The following INPP5A variants were observed in gnomAD, a reference collection of about 807,000 sequenced individuals.
The protein encoded by INPP5A is 43 kDa inositol polyphosphate 5-phophatase.
Under a neutral mutation model 65.2 loss-of-function variants are expected in INPP5A, and 14 were observed. The ratio of observed to expected loss-of-function variants is 0.21; its 90% confidence interval spans 0.14 to 0.34. The LOEUF (loss-of-function observed/expected upper bound fraction) is 0.34. Ranked by LOEUF, INPP5A falls within the 10% of genes least tolerant of loss-of-function variation. The probability of loss-of-function intolerance (pLI) is 1.00; values close to 1 mark genes in which losing one functional copy is unlikely to be tolerated. For synonymous variants in INPP5A, 207 were observed against 208.3 expected (o/e 0.99, Z 0.05); for missense variants, 431 against 545.6 (o/e 0.79, Z 2.09).
At chr10:132,640,824 G>A (rs150143567) in intron 2 of INPP5A, among the ~76,000 whole-genome samples, 7 of 152,282 alleles carry the variant, frequency 4.6e-5, no homozygotes, top group African/African-American at 1.4e-4. Flanking sequence ...CTTATCTGTG[G>A]AAGGCATCCA....
Position 132,628,447 on chromosome 10 carries a change from A to G in INPP5A, c.118-17421A>G, listed in dbSNP as rs1410644079. Among the ~76,000 whole-genome samples, 6 of 104,872 alleles carry G rather than the reference A, an allele frequency of 5.7e-5. No individual in the cohort carries two copies. The East Asian group carries it at 1.7e-3, about 30-fold the overall frequency. 68.8% of individuals were successfully genotyped at this position (104,872 alleles called of 152,430 possible). A position where few individuals can be genotyped will look rare whatever the true frequency, so the allele number is the denominator to read the frequency against. On this transcript the variant is annotated intron_variant, in intron 2 of 15. Transcript: ENST00000368594. ...TATGGTGGCCGCCCCCTCTCCCTCC[A>G]GATGTGCTCTGGTGGCGGGGGGGGG... is the stretch of plus-strand genomic sequence containing the variant.
At position 132,603,920 on chromosome 10, in the gene INPP5A, C is replaced by T. The variant is rs973573782; in HGVS notation, c.76-3995C>T. On this transcript the variant is annotated intron_variant, in intron 1 of 15. Transcript: ENST00000368594. The surrounding 1 kb of genome is among the most constrained non-coding windows in gnomAD (Gnocchi z 4.2). ...TTCTGCCCTGCGCCGTCAGGGTCCC[C>T]TCTCCGTCCAGCCCTGCGCCGTCAA... Among the ~76,000 whole-genome samples, 5 of 151,772 alleles carry T rather than the reference C, an allele frequency of 3.3e-5. No individual in the cohort carries two copies. The highest frequency in any genetic ancestry group is 1.2e-4 in the African/African-American group (5 of 41,282).
intron 9 of INPP5A, among the ~76,000 whole-genome samples, chr10:132,734,170 T>G (rs1260147161): frequency 1.3e-5 from 2 of 152,172 alleles, no homozygotes; most frequent in East Asian, 1.9e-4. Context: ...CAGGCGCACC[T>G]GAGATGCCAG....
chr10:132,696,080 A>G (rs1217134426), intron 5 of INPP5A, among the ~76,000 whole-genome samples: 1 of 152,174 alleles, frequency 6.6e-6, no homozygotes, highest in Non-Finnish European at 1.5e-5. Flanking sequence ...GAGGACACAC[A>G]CAAGGCACTA....
rs2071404470 is a variant in INPP5A, at chr10:132,575,657, G to A, written c.76-32258G>A. On this transcript the variant is annotated intron_variant, in intron 1 of 15. Transcript: ENST00000368594. This position sits in a 1 kb window ranked among gnomAD's most constrained non-coding sequence, Gnocchi z 5.4. ...CCGTAAACAGTGTTTATCTTGGCGA[G>A]GAGGAATCCTGCACCAGCTTAGACA... Among the ~76,000 whole-genome samples, 2 of 152,136 alleles carry A rather than the reference G, an allele frequency of 1.3e-5. No individual in the cohort carries two copies. Among genetic ancestry groups the A allele is most frequent in the South Asian group, 4.1e-4 (2 of 4,826 alleles).
intron 3 of INPP5A, among the ~76,000 whole-genome samples, chr10:132,649,417 T>C (rs374309921): frequency 6.6e-6 from 1 of 152,222 alleles, no homozygotes; most frequent in African/African-American, 2.4e-5. Flanking sequence ...GCTTCTCATA[T>C]CAAGTTATTT....
chr10:132,561,229 G>GT (rs34551991), intron 1 of INPP5A, among the ~76,000 whole-genome samples: 2 of 151,448 alleles, frequency 1.3e-5, no homozygotes, highest in Non-Finnish European at 2.9e-5. Flanking sequence ...CACCTGGCTA[G>GT]TTTTTTTTAA....
chr10:132,672,789 C>T (rs1206915459), intron 4 of INPP5A, among the ~76,000 whole-genome samples: 1 of 152,160 alleles, frequency 6.6e-6, no homozygotes. Flanking sequence ...GTTACATGTG[C>T]GTTGGACCCC....
At chr10:132,583,357 T>C (rs1289302230) in intron 1 of INPP5A, among the ~76,000 whole-genome samples, 1 of 152,194 alleles carries the variant, frequency 6.6e-6, no homozygotes, top group Non-Finnish European at 1.5e-5. Context: ...GATAGAGCCA[T>C]GTGAGCACCT....
chr10:132,607,935 C>T lies in INPP5A; in HGVS notation c.96C>T (p.Asn32=). The part of the protein sequence containing the change: ...LFDDPENLQK[N]WLREFYQVVH... ...TACAGCCAGAAAACCTGCAGAAGAA[C>T]TGGCTTCGGGAATTTTACCAGGTAA... Residue 32 remains asparagine (N), a synonymous_variant, in exon 2 of 16, where the codon AAC becomes AAT. Transcript: ENST00000368594. The T allele has an allele frequency of 6.2e-7, 1 of 1,611,610 alleles. No homozygotes were observed. The highest frequency in any genetic ancestry group is 1.6e-4 in the Middle Eastern group (1 of 6,062).
chr10:132,570,914 G>A (rs747977872), intron 1 of INPP5A, among the ~76,000 whole-genome samples: 2 of 152,196 alleles, frequency 1.3e-5, no homozygotes, highest in African/African-American at 2.4e-5. Flanking sequence ...GCCTCTCATC[G>A]GCACAGCGGC....
At chr10:132,689,881 G>T (rs1285236928) in intron 4 of INPP5A, among the ~76,000 whole-genome samples, 2 of 152,382 alleles carry the variant, frequency 1.3e-5, no homozygotes, top group African/African-American at 4.8e-5. Context: ...GGGCGATGGG[G>T]CAGGGTGGGG....
chr10:132,689,979 C>G (rs1845230033), intron 4 of INPP5A, among the ~76,000 whole-genome samples: 1 of 152,230 alleles, frequency 6.6e-6, no homozygotes, highest in African/African-American at 2.4e-5. Flanking sequence ...AATGCCCGGC[C>G]GGTGGGACCT....
At position 132,587,242 on chromosome 10, in the gene INPP5A, TGGGC is replaced by T. The variant is rs2133307907; in HGVS notation, c.76-20672_76-20669del. ...GACAGGAGATGGACCCAGGGCAGCT[TGGGC>T]CCGTTCCTCACCTGTTACCTGCTGG... On this transcript the variant is annotated intron_variant, in intron 1 of 15. Transcript: ENST00000368594. The surrounding 1 kb of genome is among the most constrained non-coding windows in gnomAD (Gnocchi z 4.3). Among the ~76,000 whole-genome samples the T allele has an allele frequency of 6.6e-6, 1 of 152,336 alleles. No homozygotes were observed. Among genetic ancestry groups the T allele is most frequent in the Admixed American group, 6.5e-5 (1 of 15,306 alleles).
intron 1 of INPP5A, among the ~76,000 whole-genome samples, chr10:132,584,917 G>T (rs2071528987): frequency 6.6e-6 from 1 of 152,144 alleles, no homozygotes; most frequent in Non-Finnish European, 1.5e-5. Context: ...GTAGAGATGG[G>T]GGTTTCACTG....
rs140558557 is a variant in INPP5A at position 132,718,554 on chromosome 10, G to A, written c.647+8098G>A. Among the ~76,000 whole-genome samples, 957 of 146,112 alleles carry A rather than the reference G, an allele frequency of 6.5e-3. 8 individuals are homozygous for A. The highest frequency in any genetic ancestry group is 0.02 in the African/African-American group (807 of 39,490). ...TGGGTTCTGTCTGGGCACCTTAGAC[G>A]ACTGTCTTCAGGGTTCTGTGGTACC... On this transcript the variant is annotated intron_variant, in intron 8 of 15. Transcript: ENST00000368594.
rs2072462637 is a variant in INPP5A at position 132,644,173 on chromosome 10, G to C, written c.118-1695G>C. 2.0e-5 allele frequency among the ~76,000 whole-genome samples: 3 copies of C among 152,240 alleles called. No homozygotes were observed. In the South Asian group the frequency reaches 6.2e-4, roughly 32 times the overall value. ...TGTTAGGGAGAAGTGCACTGCCTGG[G>C]CCTGAAGGCAGTGGGCTGTCTGGCC... On this transcript the variant is annotated intron_variant, in intron 2 of 15. Coordinates refer to ENST00000368594, the MANE Select transcript of INPP5A (RefSeq NM_005539.5). This position sits in a 1 kb window ranked among gnomAD's most constrained non-coding sequence, Gnocchi z 6.5.
At chr10:132,729,154 C>G (rs1378227327) in intron 9 of INPP5A, among the ~76,000 whole-genome samples, 1 of 152,190 alleles carries the variant, frequency 6.6e-6, no homozygotes, top group Non-Finnish European at 1.5e-5. Context: ...TTTCCTTTTT[C>G]TGCTGAGCAG....
Position 132,781,463 on chromosome 10 carries a change from C to G in INPP5A, c.1159-398C>G, listed in dbSNP as rs572920512. Among the ~76,000 whole-genome samples the G allele has an allele frequency of 5.9e-5, 9 of 152,354 alleles. No homozygotes were observed. In the South Asian group the frequency reaches 1.9e-3, roughly 32 times the overall value. On this transcript the variant is annotated intron_variant, in intron 14 of 15. Transcript: ENST00000368594. ...CTTCTTCCACGTTGGAGGCCCAGAG[C>G]TGTGAGCCCCAAACACACCCGGATA...
Sources: gnomAD v4.1 joint callset for allele counts (sites outside exome capture counted in the v4.1 genomes callset) on GRCh38, gnomAD v4.1.1 for gene constraint, Gnocchi (gnomAD v3.1) non-coding constraint, MANE v1.5 for transcripts, NCBI Gene and HGNC (gene_info 2026-07-23, HGNC 2026-07-21) for gene names.